Variants in HARS1 observed in about 807,000 individuals in gnomAD.
HARS1 encodes histidine--tRNA ligase, cytoplasmic.
Under a neutral mutation model 63.6 loss-of-function variants are expected in HARS1, and 45 were observed. That is an observed-to-expected ratio of 0.71 (90% CI 0.56 to 0.91). HARS1 has a LOEUF of 0.91. Among genes scored for constraint, HARS1 ranks in the 40% least tolerant of loss-of-function variants. The pLI is 0.00. For synonymous variants in HARS1, 205 were observed against 247.1 expected (o/e 0.83, Z 1.60); for missense variants, 508 against 643.2 (o/e 0.79, Z 2.27).
chr5:140,683,218 C>A lies in HARS1; in HGVS notation c.182G>T (p.Gly61Val). The change falls in exon 3 of 13, where the codon GGC (glycine) becomes GTC (valine). Residue 61 changes from glycine (G) to valine (V), a missense_variant and splice_region_variant. Gly to Val is a moderately radical substitution (Grantham distance 109). Transcript: ENST00000504156. ...KQKFVLKTPK[G>V]TRDYSPRQMA... is the part of the protein sequence containing the mutation. ...CTGCCGGGGACTATAGTCTCTTGTG[C>A]CCTTGGAGTTGAAATCAGCCAGAGA... 1 of 1,613,184 alleles carries A rather than the reference C, an allele frequency of 6.2e-7. No homozygotes were observed. Among genetic ancestry groups the A allele is most frequent in the Non-Finnish European group, 8.5e-7 (1 of 1,179,508 alleles).
chr5:140,675,100 G>A lies in HARS1; in HGVS notation c.1228C>T (p.Gln410Ter), dbSNP rs201011416. Reference protein sequence around the residue: ...LEEKIRTTETQVLVASAQKKL... With the variant: ...LEEKIRTTET Reference sequence around the variant, plus strand: ...TTCTGTGCAGATGCCACAAGCACCTGTGTCTCCGTGGTCCGTATCTTCTCC... The same window carrying A: ...TTCTGTGCAGATGCCACAAGCACCTATGTCTCCGTGGTCCGTATCTTCTCC... The change falls in exon 11 of 13, where the codon CAG becomes TAG. Residue 410 changes from glutamine (Q) to a stop codon, truncating the protein, a stop_gained. Transcript: ENST00000504156. LOFTEE classifies it high-confidence loss of function. 5.1e-5 allele frequency: 82 copies of A among 1,612,568 alleles called. No individual in the cohort carries two copies. The highest frequency in any genetic ancestry group is 6.6e-5 in the Non-Finnish European group (78 of 1,178,846).
chr5:140,680,871 A>G (rs1164171456), intron 3 of HARS1, among the ~76,000 whole-genome samples: 2 of 151,914 alleles, frequency 1.3e-5, no homozygotes, highest in East Asian at 1.9e-4. Context: ...TAACATTTCA[A>G]TATCTAATAT....
chr5:140,676,587 T>G lies in HARS1; in HGVS notation c.1194+67A>C. The G allele has an allele frequency of 9.1e-6, 14 of 1,541,014 alleles. No individual in the cohort carries two copies. The highest frequency in any genetic ancestry group is 1.2e-5 in the South Asian group (1 of 85,400). ...CCCAAAGCAGCACCACTTGCTCCCT[T>G]GGAGATCAGATAGCTTAGGTGCCAC... On this transcript the variant is annotated intron_variant, in intron 10 of 12. Transcript: ENST00000504156. The surrounding 1 kb of genome is among the most constrained non-coding windows in gnomAD (Gnocchi z 4.1).
chr5:140,688,668 A>T (rs980790903), intron 2 of HARS1, among the ~76,000 whole-genome samples: 1 of 152,094 alleles, frequency 6.6e-6, no homozygotes, highest in African/African-American at 2.4e-5. Context: ...TGTCTATTTA[A>T]TCTACAATAG....
intron 2 of HARS1, among the ~76,000 whole-genome samples, chr5:140,687,107 T>C (rs1215030120): frequency 2.6e-5 from 4 of 152,236 alleles, no homozygotes; most frequent in Non-Finnish European, 5.9e-5. Context: ...CTAGATCAGC[T>C]TGCAACTTGA....
At position 140,674,086 on chromosome 5, in the gene HARS1, C is replaced by G. The variant is rs1758199186; in HGVS notation, c.*171G>C. On this transcript the variant is annotated 3_prime_UTR_variant, in exon 13 of 13. Transcript: ENST00000504156. ...AAGGTGTTGTACCTGGCCGTTTTTG[C>G]CAGTAATAATCAATAAAATAACCAT... 4.4e-5 allele frequency: 30 copies of G among 675,616 alleles called. No individual in the cohort carries two copies. Among genetic ancestry groups the G allele is most frequent in the Middle Eastern group, 3.7e-4 (1 of 2,714 alleles). The allele number at this position is 675,616 out of a possible 1,614,324, so 41.9% of individuals were successfully genotyped here.
chr5:140,686,757 C>T (rs549476015), intron 2 of HARS1, among the ~76,000 whole-genome samples: 16 of 151,802 alleles, frequency 1.1e-4, no homozygotes, highest in South Asian at 2.1e-4. Context: ...TGCGCCACCA[C>T]GCCCAGCTAA....
chr5:140,688,848 ATAGT>A (rs1168983162), intron 2 of HARS1, among the ~76,000 whole-genome samples: 8 of 152,294 alleles, frequency 5.3e-5, no homozygotes, highest in South Asian at 2.1e-4. Flanking sequence ...CTGTAAACTG[ATAGT>A]TAGTCCAAAG....
rs1428764089 is a variant in HARS1, at chr5:140,690,899, C to G, written c.136G>C (p.Gly46Arg). The G allele has an allele frequency of 6.2e-7, 1 of 1,611,160 alleles. No individual in the cohort carries two copies. The highest frequency in any genetic ancestry group is 8.5e-7 in the Non-Finnish European group (1 of 1,177,312). The change falls in exon 2 of 13, where the codon GGT (glycine) becomes CGT (arginine). Residue 46 changes from glycine (G) to arginine (R), a missense_variant. Physicochemically the swap from Gly to Arg is moderately radical, Grantham distance 125 (BLOSUM62 -2). Transcript: ENST00000504156. ...AATTTCTGTTTGCTTTCATCAGGAC[C>G]CAGCTGTGCCTTCAGTTTCAGGAGT... is the stretch of plus-strand genomic sequence containing the variant. ...AKLLKLKAQL[G>R]PDESKQKFVL...
chr5:140,690,960 AG>A lies in HARS1; in HGVS notation c.91-17del, dbSNP rs543418150. The A allele has an allele frequency of 1.4e-4, 210 of 1,477,672 alleles. 1 individual carries two copies. The African/African-American group carries it at 2.3e-3, about 16-fold the overall frequency. The allele number at this position is 1,477,672 out of a possible 1,614,324, so 91.5% of individuals were successfully genotyped here. On this transcript the variant is annotated splice_polypyrimidine_tract_variant and intron_variant, in intron 1 of 12. Transcript: ENST00000504156. ...CCTCCTCGATCTGTGGAGGGAAAGA[AG>A]GCGCTGAGCTATCCATCTGTCACTC...
chr5:140,680,155 T>G (rs886105900), intron 3 of HARS1, among the ~76,000 whole-genome samples: 1 of 149,966 alleles, frequency 6.7e-6, no homozygotes, highest in African/African-American at 2.5e-5. Context: ...TGAAGTTTGT[T>G]TTTTTTTTTT....
intron 2 of HARS1, chr5:140,683,946 CCACTG>C (rs1758870958): frequency 6.6e-6 from 1 of 152,456 alleles, no homozygotes; most frequent in Admixed American, 6.6e-5. Context: ...CAAGATTGCA[CCACTG>C]CACTCCAGAC....
At chr5:140,674,993 C>T (rs1189307007) in intron 11 of HARS1, 24 bp downstream of exon 11, 1 of 1,536,136 alleles carries the variant, frequency 6.5e-7, no homozygotes, top group Non-Finnish European at 9.0e-7. Flanking sequence ...AGTTTGCTGC[C>T]ACCCTGGGGC....
Position 140,677,773 on chromosome 5 carries a change from A to G in HARS1, c.631-20T>C, listed in dbSNP as rs1758475160. 6.6e-7 allele frequency: 1 copy of G among 1,524,638 alleles called. No individual in the cohort carries two copies. Among genetic ancestry groups the G allele is most frequent in the African/African-American group, 1.4e-5 (1 of 72,704 alleles). The allele number at this position is 1,524,638 out of a possible 1,614,324, so 94.4% of individuals were successfully genotyped here. On this transcript the variant is annotated intron_variant, in intron 6 of 12. Transcript: ENST00000504156. ...GTTTACCTGCAAGGAACCAATGCAT[A>G]GTGAGGGGGGAATCTCTTTTCTTAC... is the stretch of plus-strand genomic sequence containing the variant.
At chr5:140,683,334 C>G (rs1018045689) in intron 2 of HARS1, 115 bp from the exon 3 acceptor site, 60 of 1,114,298 alleles carry the variant, frequency 5.4e-5, no homozygotes, top group Admixed American at 1.3e-4. Context: ...CTGCTCTAAA[C>G]AGATTTTCCT....
intron 2 of HARS1, chr5:140,684,534 G>T (rs1006289669): frequency 1.2e-5 from 5 of 409,918 alleles, no homozygotes; most frequent in Non-Finnish European, 1.6e-5. Context: ...AAATTTTACA[G>T]ATGAAGTACA....
At chr5:140,674,901 C>T in intron 11 of HARS1, 76 bp from the exon 12 acceptor site, 1 of 1,539,990 alleles carries the variant, frequency 6.5e-7, no homozygotes, top group South Asian at 1.1e-5. Context: ...AGCTGGCACC[C>T]TGTTCTTAGC....
intron 2 of HARS1, chr5:140,687,998 G>A (rs1759140311): frequency 6.6e-6 from 1 of 152,300 alleles, no homozygotes; most frequent in Admixed American, 6.5e-5. Context: ...CAGCTACTCG[G>A]AAGGCTGAGG....
intron 2 of HARS1, 93 bp downstream of exon 2, chr5:140,690,759 ATCC>A: frequency 1.3e-6 from 1 of 785,184 alleles, no homozygotes; most frequent in Admixed American, 1.8e-5. Flanking sequence ...AGCATTTCAG[ATCC>A]TCCTCAATGA....
Sources: allele counts gnomAD v4.1 joint callset (sites outside exome capture counted in the v4.1 genomes callset), GRCh38; gene constraint gnomAD v4.1.1; non-coding constraint Gnocchi (gnomAD v3.1); transcripts MANE v1.5; gene names NCBI Gene and HGNC (gene_info 2026-07-23, HGNC 2026-07-21).